Variants in LYST observed in about 807,000 individuals in gnomAD.
LYST encodes lysosomal-trafficking regulator.
Under a neutral mutation model 413.6 loss-of-function variants are expected in LYST, and 192 were observed. That is an observed-to-expected ratio of 0.46 (90% CI 0.41 to 0.52). LYST has a LOEUF of 0.52. LYST is among the 20% of genes least tolerant of loss of function. The pLI, the probability that LYST is intolerant of heterozygous loss-of-function variation, is 0.00. For missense variants in LYST, 3,815 were observed against 4,499.9 expected (o/e 0.85, Z 4.35); for synonymous variants, 1,525 against 1,567.3 (o/e 0.97, Z 0.64).
At chr1:235,841,572 T>C (rs187986839) in intron 1 of LYST, among the ~76,000 whole-genome samples, 1 of 152,276 alleles carries the variant, frequency 6.6e-6, no homozygotes, top group Admixed American at 6.5e-5. Flanking sequence ...TTTACTAGCA[T>C]ACCACTGCAG....
rs1558261064 is a variant in LYST, at chr1:235,798,576, C to CTTAAAAAAAAAAAAAA, written c.4006+1743_4006+1744insTTTTTTTTTTTTTTAA. 4.5e-4 allele frequency among the ~76,000 whole-genome samples: 11 copies of CTTAAAAAAAAAAAAAA among 24,528 alleles called. 5 individuals are homozygous for CTTAAAAAAAAAAAAAA. The highest frequency in any genetic ancestry group is 1.5e-3 in the African/African-American group (11 of 7,312). 16.1% of individuals were successfully genotyped at this position (24,528 alleles called of 152,430 possible). ...CTTGGCGACAAGGGCAAAACCCTGT[C>CTTAAAAAAAAAAAAAA]ATAAAAAAAAAAAAAAAAAAAAAAA... On this transcript the variant is annotated intron_variant, in intron 10 of 52. Transcript: ENST00000389793.
At chr1:235,790,975 C>T (rs983452227) in intron 12 of LYST, among the ~76,000 whole-genome samples, 9 of 151,844 alleles carry the variant, frequency 5.9e-5, no homozygotes, top group East Asian at 1.9e-4. Flanking sequence ...AGGGAGAAAC[C>T]GCTGTCTCTA....
chr1:235,678,013 C>T (rs1659522675), intron 48 of LYST, among the ~76,000 whole-genome samples: 1 of 152,058 alleles, frequency 6.6e-6, no homozygotes, highest in Non-Finnish European at 1.5e-5. Context: ...TACAACTATC[C>T]TTCATTGATA....
intron 1 of LYST, among the ~76,000 whole-genome samples, chr1:235,835,107 G>C (rs1026930752): frequency 6.6e-5 from 10 of 151,328 alleles, no homozygotes; most frequent in Non-Finnish European, 1.2e-4. Context: ...TAATGGGGGG[G>C]GGTTTCGCCA....
chr1:235,700,289 C>T (rs759896864), intron 45 of LYST, among the ~76,000 whole-genome samples: 8 of 152,104 alleles, frequency 5.3e-5, no homozygotes, highest in Admixed American at 2.6e-4. Context: ...TCAGAGTGAA[C>T]AAGCAACCTA....
At chr1:235,865,599 CTT>C (rs1680422054) in intron 1 of LYST, among the ~76,000 whole-genome samples, 1 of 152,180 alleles carries the variant, frequency 6.6e-6, no homozygotes, top group Non-Finnish European at 1.5e-5. Context: ...ATTCTCCAAT[CTT>C]TGTAGTAACA....
chr1:235,760,596 G>A (rs1364747632), intron 22 of LYST, among the ~76,000 whole-genome samples: 1 of 152,154 alleles, frequency 6.6e-6, no homozygotes, highest in Non-Finnish European at 1.5e-5. Flanking sequence ...TGGGATTGTT[G>A]GGACTTCACA....
In LYST at chr1:235,810,122, C is replaced by A. The variant is rs748806236; in HGVS notation, c.696G>T (p.Gly232=). The change falls in exon 5 of 53, where the codon GGG becomes GGT. Residue 232 remains glycine (G), a synonymous_variant. Coordinates refer to ENST00000389793, the MANE Select transcript of LYST (RefSeq NM_000081.4). ...ENSREIIPRQ[G]SNTDILSEPA... Reference sequence around the variant, plus strand: ...GCTCACTTAAAATGTCAGTGTTTGACCCCTGTCTTGGAATAATCTCTCTGG... The same window carrying A: ...GCTCACTTAAAATGTCAGTGTTTGAACCCTGTCTTGGAATAATCTCTCTGG... 5 of 1,614,018 alleles carry A rather than the reference C, an allele frequency of 3.1e-6. No individual in the cohort carries two copies. Among genetic ancestry groups the A allele is most frequent in the East Asian group, 4.5e-5 (2 of 44,896 alleles).
At chr1:235,752,942 T>C (rs887252822) in intron 26 of LYST, 102 bp downstream of exon 26, 30 of 661,714 alleles carry the variant, frequency 4.5e-5, no homozygotes, top group Middle Eastern at 8.3e-4. Flanking sequence ...CAGAAAGGCT[T>C]CTTACATAGG....
intron 50 of LYST, among the ~76,000 whole-genome samples, chr1:235,671,835 T>C (rs1411522008): frequency 1.3e-5 from 2 of 152,236 alleles, no homozygotes; most frequent in Non-Finnish European, 2.9e-5. Context: ...TAATTCGATT[T>C]ACCTTTATGA....
chr1:235,874,939 G>A (rs149637949), intron 1 of LYST, among the ~76,000 whole-genome samples: 149 of 152,302 alleles, frequency 9.8e-4, no homozygotes, highest in African/African-American at 3.5e-3. Context: ...CCAAGCCCAG[G>A]CTCCTCCTCC....
intron 30 of LYST, among the ~76,000 whole-genome samples, chr1:235,742,570 T>TTATATATA (rs35428246): frequency 2.0e-5 from 3 of 146,958 alleles, no homozygotes; most frequent in Middle Eastern, 3.5e-3. Context: ...AAATTTTATG[T>TTATATATA]TATATATATA....
intron 10 of LYST, among the ~76,000 whole-genome samples, chr1:235,799,638 G>C (rs1022955218): frequency 6.6e-6 from 1 of 152,100 alleles, no homozygotes; most frequent in Non-Finnish European, 1.5e-5. Context: ...CTTGTGATTA[G>C]CAATCATATT....
In LYST at chr1:235,766,147, G is replaced by A. The variant is rs1668123410; in HGVS notation, c.6053C>T (p.Ala2018Val). 3 of 1,613,242 alleles carry A rather than the reference G, an allele frequency of 1.9e-6. No homozygotes were observed. Among genetic ancestry groups the A allele is most frequent in the Non-Finnish European group, 2.5e-6 (3 of 1,179,234 alleles). The stretch of plus-strand genomic sequence containing the variant: ...GTAAGTATTAGTAGGAGGGTGAACT[G>A]CTAAAAGGAAATTGAAGATAATTGT... Reference protein sequence around the residue: ...LLTIIFNFLLAVHPPTNTYVC... With the variant: ...LLTIIFNFLLVVHPPTNTYVC... The change falls in exon 21 of 53, where the codon GCA becomes GTA. Residue 2018 changes from alanine to valine, a missense_variant. Transcript: ENST00000389793.
At chr1:235,816,835 A>C (rs2102927281) in intron 3 of LYST, among the ~76,000 whole-genome samples, 1 of 152,322 alleles carries the variant, frequency 6.6e-6, no homozygotes, top group Middle Eastern at 3.4e-3. Flanking sequence ...TTTCATGACG[A>C]AGGATGCCAA....
In LYST at chr1:235,791,656, A is replaced by C. The variant is rs1355183010; in HGVS notation, c.4543+43T>G. 2.6e-6 allele frequency: 4 copies of C among 1,526,868 alleles called. No homozygotes were observed. In the African/African-American group the frequency reaches 5.4e-5, roughly 21 times the overall value. The allele number at this position is 1,526,868 out of a possible 1,614,324, so 94.6% of individuals were successfully genotyped here. A position where few individuals can be genotyped will look rare whatever the true frequency, so the allele number is the denominator to read the frequency against. ...ACGGCTCAAGGAAAATTATAGTCTG[A>C]AAACAATCTTTGTGTACAAATCAGA... On this transcript the variant is annotated intron_variant, in intron 12 of 52. Coordinates refer to ENST00000389793, the MANE Select transcript of LYST (RefSeq NM_000081.4).
chr1:235,822,967 T>C (rs995194625), intron 3 of LYST, among the ~76,000 whole-genome samples: 3 of 152,206 alleles, frequency 2.0e-5, no homozygotes, highest in African/African-American at 7.2e-5. Flanking sequence ...CAAACTCAGA[T>C]GTAAGACCAG....
chr1:235,748,906 C>T (rs1666182373), intron 28 of LYST, among the ~76,000 whole-genome samples: 1 of 152,118 alleles, frequency 6.6e-6, no homozygotes, highest in Admixed American at 6.5e-5. Flanking sequence ...TGCTGGCAGT[C>T]CCCACAACTC....
At chr1:235,767,459 C>A (rs1668256289) in intron 20 of LYST, among the ~76,000 whole-genome samples, 1 of 152,096 alleles carries the variant, frequency 6.6e-6, no homozygotes, top group South Asian at 2.1e-4. Flanking sequence ...GATCTCCCGA[C>A]TTCCAATTCA....
Sources: allele counts gnomAD v4.1 joint callset (sites outside exome capture counted in the v4.1 genomes callset), GRCh38; gene constraint gnomAD v4.1.1; transcripts MANE v1.5; gene names NCBI Gene and HGNC (gene_info 2026-07-23, HGNC 2026-07-21).